RETREG1: variants seen among roughly 807,000 people sequenced by gnomAD.
RETREG1 encodes family with sequence similarity 134 member B.
Under a neutral mutation model 54.8 loss-of-function variants are expected in RETREG1, and 44 were observed. The observed-to-expected ratio is 0.80, with a 90% CI of 0.63 to 1.03. RETREG1 has a LOEUF of 1.03. Among genes scored for constraint, RETREG1 ranks in the 50% least tolerant of loss-of-function variants. RETREG1 has a pLI of 0.00. For missense variants in RETREG1, 554 were observed against 605.1 expected, an observed-to-expected ratio of 0.92 and a Z score of 0.89; for synonymous variants, 217 against 238.5, an observed-to-expected ratio of 0.91 and a Z score of 0.83.
intron 2 of RETREG1, among the ~76,000 whole-genome samples, chr5:16,568,321 G>C (rs374116245): frequency 6.0e-4 from 91 of 151,438 alleles, no homozygotes; most frequent in Non-Finnish European, 9.6e-4. Flanking sequence ...ACCGAGGCTG[G>C]AGTGCAATGA....
chr5:16,498,322 C>T (rs1739554481), intron 3 of RETREG1, among the ~76,000 whole-genome samples: 1 of 152,214 alleles, frequency 6.6e-6, no homozygotes, highest in African/African-American at 2.4e-5. Context: ...GTACAGCACT[C>T]TACTGTACTG....
At position 16,480,043 on chromosome 5, in the gene RETREG1, C is replaced by G. The variant is rs556220638; in HGVS notation, c.670+966G>C. Among the ~76,000 whole-genome samples, 5 of 151,936 alleles carry G rather than the reference C, an allele frequency of 3.3e-5. No homozygotes were observed. In the South Asian group the frequency reaches 1.0e-3, roughly 31 times the overall value. On this transcript the variant is annotated intron_variant, in intron 5 of 8. Coordinates refer to ENST00000306320, the MANE Select transcript of RETREG1 (RefSeq NM_001034850.3). ...GATAAATTTTGACATATGCATACAA[C>G]TAAGAAGCCATCACCATAATCAAGA...
intron 3 of RETREG1, among the ~76,000 whole-genome samples, chr5:16,536,766 C>T (rs1741085832): frequency 1.3e-5 from 2 of 152,278 alleles, no homozygotes; most frequent in South Asian, 4.1e-4. Context: ...TCAATGGCGC[C>T]AAAGTCAACG....
At chr5:16,598,165 A>C (rs1742955511) in intron 1 of RETREG1, among the ~76,000 whole-genome samples, 1 of 152,118 alleles carries the variant, frequency 6.6e-6, no homozygotes, top group African/African-American at 2.4e-5. Context: ...GGCTTGGAAC[A>C]AATCCTTCCC....
At chr5:16,604,773 A>C (rs770261494) in intron 1 of RETREG1, among the ~76,000 whole-genome samples, 1 of 152,224 alleles carries the variant, frequency 6.6e-6, no homozygotes, top group Non-Finnish European at 1.5e-5. Context: ...CCTGAGACAA[A>C]AATCTTTCCA....
At chr5:16,532,336 C>T (rs2126595966) in intron 3 of RETREG1, among the ~76,000 whole-genome samples, 1 of 152,206 alleles carries the variant, frequency 6.6e-6, no homozygotes, top group African/African-American at 2.4e-5. Flanking sequence ...ACCAGCCTGA[C>T]CAACATGGTG....
At chr5:16,568,464 G>C (rs1193180728) in intron 2 of RETREG1, among the ~76,000 whole-genome samples, 1 of 152,036 alleles carries the variant, frequency 6.6e-6, no homozygotes, top group Non-Finnish European at 1.5e-5. Context: ...GTAGAGACAG[G>C]GTTTCACCAT....
Position 16,616,625 on chromosome 5 carries a change from G to C in RETREG1, c.320+27C>G, listed in dbSNP as rs749657726. 7.7e-6 allele frequency: 12 copies of C among 1,568,594 alleles called. No homozygotes were observed. In the South Asian group the frequency reaches 1.4e-4, roughly 18 times the overall value. ...GCCCCAAGGTCACCTGCCCTCCTCA[G>C]CGCCCCCACCTTGCCCAAGCTCTCA... is the stretch of plus-strand genomic sequence containing the variant. On this transcript the variant is annotated intron_variant, in intron 1 of 8. Coordinates refer to ENST00000306320, the MANE Select transcript of RETREG1 (RefSeq NM_001034850.3).
chr5:16,477,961 T>C, intron 7 of RETREG1, 73 bp downstream of exon 7: 1 of 1,358,432 alleles, frequency 7.4e-7, no homozygotes, highest in Middle Eastern at 1.9e-4. Flanking sequence ...AGGAAGATCA[T>C]TCAGCTTTGT....
chr5:16,486,447 T>G (rs969055869), intron 3 of RETREG1, among the ~76,000 whole-genome samples: 1 of 152,230 alleles, frequency 6.6e-6, no homozygotes, highest in African/African-American at 2.4e-5. Context: ...TACCATTAAT[T>G]TATGTCACCA....
intron 1 of RETREG1, among the ~76,000 whole-genome samples, chr5:16,603,511 C>A (rs566321551): frequency 1.3e-5 from 2 of 152,260 alleles, no homozygotes; most frequent in East Asian, 3.9e-4. Context: ...AGGGACAGAG[C>A]AGGGAACAGA....
At chr5:16,555,797 T>C (rs1371507405) in intron 3 of RETREG1, among the ~76,000 whole-genome samples, 1 of 152,138 alleles carries the variant, frequency 6.6e-6, no homozygotes, top group Non-Finnish European at 1.5e-5. Flanking sequence ...AAATAAATAA[T>C]AAGAGAAATA....
At chr5:16,541,595 G>A (rs1478620520) in intron 3 of RETREG1, among the ~76,000 whole-genome samples, 1 of 152,154 alleles carries the variant, frequency 6.6e-6, no homozygotes, top group African/African-American at 2.4e-5. Context: ...GCTGAGGCAG[G>A]AGAATCCCTT....
At chr5:16,615,559 A>C (rs1055891923) in intron 1 of RETREG1, among the ~76,000 whole-genome samples, 1 of 152,182 alleles carries the variant, frequency 6.6e-6, no homozygotes, top group African/African-American at 2.4e-5. Context: ...CATTCACTCC[A>C]TAATAAGATA....
chr5:16,581,566 A>AC (rs1742482364), intron 1 of RETREG1, among the ~76,000 whole-genome samples: 1 of 147,030 alleles, frequency 6.8e-6, no homozygotes, highest in Non-Finnish European at 1.5e-5. Context: ...CACACACACA[A>AC]AACACACACA....
chr5:16,527,668 A>C (rs930470831), intron 3 of RETREG1, among the ~76,000 whole-genome samples: 4 of 152,150 alleles, frequency 2.6e-5, no homozygotes, highest in Non-Finnish European at 4.4e-5. Context: ...TCACAGTTGA[A>C]AAGGCTAAGT....
chr5:16,569,181 C>T (rs993924161), intron 2 of RETREG1, among the ~76,000 whole-genome samples: 1 of 152,132 alleles, frequency 6.6e-6, no homozygotes, highest in Non-Finnish European at 1.5e-5. Context: ...CCCAATGGGC[C>T]TTTGTCCTAA....
chr5:16,478,137 C>T, intron 6 of RETREG1, 39 bp from the exon 7 acceptor site: 1 of 1,347,004 alleles, frequency 7.4e-7, no homozygotes. Context: ...AGTTTCCTAG[C>T]CAACTCAGAC....
intron 3 of RETREG1, among the ~76,000 whole-genome samples, chr5:16,512,654 G>A (rs1740216194): frequency 3.3e-5 from 5 of 151,748 alleles, no homozygotes. Context: ...GACACTAGGA[G>A]AGACCTTCCC....
Sources: allele counts gnomAD v4.1 joint callset (sites outside exome capture counted in the v4.1 genomes callset), GRCh38; gene constraint gnomAD v4.1.1; transcripts MANE v1.5; gene names NCBI Gene and HGNC (gene_info 2026-07-23, HGNC 2026-07-21).